Variants in PRKAR2A observed in about 807,000 individuals in gnomAD.
PRKAR2A encodes the protein protein kinase cAMP-dependent type II regulatory subunit alpha, also known as cAMP-dependent protein kinase type II-alpha regulatory subunit.
PRKAR2A carries 29 observed loss-of-function variants against 51.9 expected under a neutral mutation model. The ratio of observed to expected loss-of-function variants is 0.56; its 90% confidence interval spans 0.42 to 0.76. The LOEUF (loss-of-function observed/expected upper bound fraction) is 0.76. Ranked by LOEUF, PRKAR2A falls within the 30% of genes least tolerant of loss-of-function variation. PRKAR2A has a pLI of 0.00. For missense variants in PRKAR2A, 445 were observed against 512.1 expected, an observed-to-expected ratio of 0.87 and a Z score of 1.26; for synonymous variants, 178 against 186.2, an observed-to-expected ratio of 0.96 and a Z score of 0.36.
chr3:48,821,386 T>C (rs1009311809), intron 1 of PRKAR2A, among the ~76,000 whole-genome samples: 2 of 152,218 alleles, frequency 1.3e-5, no homozygotes, highest in Admixed American at 6.5e-5. Flanking sequence ...CTATTTTTCC[T>C]GTTACAATTC....
intron 4 of PRKAR2A, among the ~76,000 whole-genome samples, chr3:48,788,937 G>C (rs2082338290): frequency 6.6e-6 from 1 of 151,780 alleles, no homozygotes; most frequent in Non-Finnish European, 1.5e-5. Flanking sequence ...CCAAGAGAGG[G>C]AGGACAGGCC....
intron 1 of PRKAR2A, among the ~76,000 whole-genome samples, chr3:48,830,833 G>A (rs2083175213): frequency 6.6e-6 from 1 of 152,148 alleles, no homozygotes; most frequent in African/African-American, 2.4e-5. Flanking sequence ...TGACAGATGA[G>A]GCATTTGGTT....
At chr3:48,838,337 T>C (rs1042978528) in intron 1 of PRKAR2A, among the ~76,000 whole-genome samples, 2 of 152,144 alleles carry the variant, frequency 1.3e-5, no homozygotes, top group Non-Finnish European at 2.9e-5. Flanking sequence ...CCGGGCGCAG[T>C]GGCTCACACC....
chr3:48,769,986 T>C (rs575956817), intron 6 of PRKAR2A, among the ~76,000 whole-genome samples: 11 of 152,196 alleles, frequency 7.2e-5, no homozygotes, highest in African/African-American at 2.6e-4. Context: ...ACGTTGCCCA[T>C]GCTGGTCTTG....
chr3:48,816,491 A>G (rs1415648898), intron 1 of PRKAR2A, among the ~76,000 whole-genome samples: 2 of 152,172 alleles, frequency 1.3e-5, no homozygotes, highest in Middle Eastern at 6.8e-3. Flanking sequence ...TACAAAAATT[A>G]GCCGGGTGTG....
chr3:48,785,588 G>T (rs1433538731), intron 4 of PRKAR2A, among the ~76,000 whole-genome samples: 1 of 151,622 alleles, frequency 6.6e-6, no homozygotes, highest in African/African-American at 2.4e-5. Flanking sequence ...GTAGAGACAG[G>T]GTTTCACCAT....
chr3:48,838,881 G>A lies in PRKAR2A; in HGVS notation c.262+8454C>T, dbSNP rs142697021. ...CGCCTGTAGTCCCAGCTACTCGGGA[G>A]GCTGAGGCAGAAGAATGGCACGAAC... On this transcript the variant is annotated intron_variant, in intron 1 of 10. Coordinates refer to ENST00000265563, the MANE Select transcript of PRKAR2A (RefSeq NM_004157.4). 3.0e-3 allele frequency among the ~76,000 whole-genome samples: 455 copies of A among 152,188 alleles called. 6 individuals are homozygous for A. The highest frequency in any genetic ancestry group is 0.013 in the East Asian group (69 of 5,168).
chr3:48,745,527 GTTTT>G (rs34668049), downstream of PRKAR2A, among the ~76,000 whole-genome samples: 6 of 70,418 alleles, frequency 8.5e-5, no homozygotes, highest in East Asian at 5.8e-4. Flanking sequence ...TTTGGATAAG[GTTTT>G]TTTTTTTTTT....
intron 9 of PRKAR2A, 100 bp downstream of exon 9, chr3:48,756,274 CTCACA>C (rs1206635309): frequency 1.0e-6 from 1 of 995,438 alleles, no homozygotes; most frequent in Non-Finnish European, 1.6e-6. Flanking sequence ...AGTCACACAC[CTCACA>C]TAACAATGAT....
At chr3:48,776,159 G>A (rs1175562661) in intron 5 of PRKAR2A, among the ~76,000 whole-genome samples, 1 of 151,966 alleles carries the variant, frequency 6.6e-6, no homozygotes. Context: ...CTATTGATTG[G>A]CAATAATTGC....
At position 48,834,806 on chromosome 3, in the gene PRKAR2A, G is replaced by A. The variant is rs985801989; in HGVS notation, c.262+12529C>T. On this transcript the variant is annotated intron_variant, in intron 1 of 10. Coordinates refer to ENST00000265563, the MANE Select transcript of PRKAR2A (RefSeq NM_004157.4). ...GCAAATCACTTATCATATAAGGAAC[G>A]AGTTTCCAGACAAAAAGTTTCAACA... Among the ~76,000 whole-genome samples the A allele has an allele frequency of 2.1e-4, 32 of 149,758 alleles. No homozygotes were observed. In the East Asian group the frequency reaches 2.5e-3, roughly 12 times the overall value.
intron 2 of PRKAR2A, among the ~76,000 whole-genome samples, 188 bp from the exon 3 acceptor site, chr3:48,794,237 C>T (rs532043897): frequency 6.6e-6 from 1 of 151,302 alleles, no homozygotes; most frequent in East Asian, 2.0e-4. Context: ...CTGCAACCTC[C>T]ATCTCCCAGG....
intron 9 of PRKAR2A, among the ~76,000 whole-genome samples, chr3:48,754,494 G>A (rs932008181): frequency 2.6e-5 from 4 of 151,982 alleles, no homozygotes; most frequent in Non-Finnish European, 5.9e-5. Context: ...GCTATCACAT[G>A]GGCGCCGGTG....
At chr3:48,845,984 A>T (rs1185978151) in intron 1 of PRKAR2A, among the ~76,000 whole-genome samples, 1 of 151,850 alleles carries the variant, frequency 6.6e-6, no homozygotes, top group Admixed American at 6.6e-5. Context: ...GGATCACCAA[A>T]TCTGTGAGGG....
chr3:48,843,842 G>A, intron 1 of PRKAR2A, among the ~76,000 whole-genome samples: 1 of 151,356 alleles, frequency 6.6e-6, no homozygotes, highest in African/African-American at 2.4e-5. Flanking sequence ...AATTCAAGAT[G>A]GATTAAAGAC....
intron 1 of PRKAR2A, among the ~76,000 whole-genome samples, chr3:48,845,919 C>G (rs1333115236): frequency 1.3e-5 from 2 of 151,656 alleles, no homozygotes; most frequent in Non-Finnish European, 2.9e-5. Context: ...ACACCCCAGC[C>G]TGGGTGACAG....
chr3:48,783,366 T>C (rs534229511), intron 4 of PRKAR2A, among the ~76,000 whole-genome samples: 1 of 152,302 alleles, frequency 6.6e-6, no homozygotes, highest in Non-Finnish European at 1.5e-5. Flanking sequence ...TTATGGTCCA[T>C]GTTCTCCCAG....
At chr3:48,780,940 G>A (rs1575868775) in intron 5 of PRKAR2A, among the ~76,000 whole-genome samples, 1 of 152,002 alleles carries the variant, frequency 6.6e-6, no homozygotes, top group East Asian at 1.9e-4. Context: ...CAGAGATAAA[G>A]GGGCATTATA....
At chr3:48,776,928 T>TA (rs541016881) in intron 5 of PRKAR2A, among the ~76,000 whole-genome samples, 13 of 152,122 alleles carry the variant, frequency 8.5e-5, no homozygotes, top group African/African-American at 2.9e-4. Flanking sequence ...TGATTTAATG[T>TA]AAAAAAAATT....
Sources: allele counts gnomAD v4.1 joint callset (sites outside exome capture counted in the v4.1 genomes callset), GRCh38; gene constraint gnomAD v4.1.1; transcripts MANE v1.5; gene names NCBI Gene and HGNC (gene_info 2026-07-23, HGNC 2026-07-21).